Variants in NECAP1 observed in about 807,000 individuals in gnomAD.
NECAP1 encodes adaptin ear-binding coat-associated protein 1.
A neutral mutation model predicts 33.4 loss-of-function variants in NECAP1; 13 were observed. The observed-to-expected ratio is 0.39, with a 90% CI of 0.25 to 0.62. The LOEUF is 0.62. NECAP1 is among the 20% of genes least tolerant of loss of function. The probability of loss-of-function intolerance (pLI) is 0.52; values close to 1 mark genes in which losing one functional copy is unlikely to be tolerated. For missense variants in NECAP1, 272 were observed against 347.4 expected (o/e 0.78, Z 1.73); for synonymous variants, 109 against 125.2 (o/e 0.87, Z 0.86).
intron 1 of NECAP1, among the ~76,000 whole-genome samples, chr12:8,088,561 C>G (rs1233232541): frequency 6.6e-6 from 1 of 152,212 alleles, no homozygotes; most frequent in Non-Finnish European, 1.5e-5. Flanking sequence ...AGTCTCTTAG[C>G]TAATCCCCCT....
At chr12:8,091,955 A>G (rs1242828163) in intron 4 of NECAP1, 105 bp downstream of exon 4, 2 of 982,198 alleles carry the variant, frequency 2.0e-6, no homozygotes, top group Admixed American at 4.4e-5. Flanking sequence ...TTGTTTCTTA[A>G]ACTATTTCAT....
intron 3 of NECAP1, chr12:8,091,301 T>A (rs1225018936): frequency 6.3e-6 from 1 of 158,762 alleles, no homozygotes; most frequent in Admixed American, 6.1e-5. Context: ...GGGGATGGTT[T>A]CAGGATGATT....
chr12:8,084,416 G>A (rs1947469349), intron 1 of NECAP1, among the ~76,000 whole-genome samples: 1 of 152,116 alleles, frequency 6.6e-6, no homozygotes, highest in Admixed American at 6.6e-5. Context: ...TGCACCCTGT[G>A]TGCTTCCATA....
intron 5 of NECAP1, 42 bp downstream of exon 5, chr12:8,092,826 T>A: frequency 3.8e-6 from 6 of 1,597,508 alleles, no homozygotes; most frequent in Non-Finnish European, 5.1e-6. Flanking sequence ...TGTGCTTCCA[T>A]AAGCCTATGA....
intron 2 of NECAP1, 77 bp from the exon 3 acceptor site, chr12:8,090,118 A>G: frequency 6.3e-7 from 1 of 1,580,918 alleles, no homozygotes; most frequent in African/African-American, 1.3e-5. Context: ...GGGGACTGGA[A>G]TGGAAATACT....
At chr12:8,092,048 A>G (rs1002115263) in intron 4 of NECAP1, 198 bp downstream of exon 4, 13 of 571,500 alleles carry the variant, frequency 2.3e-5, no homozygotes, top group Non-Finnish European at 3.7e-5. Flanking sequence ...ATAGCCTGCA[A>G]TATATTTCAG....
At chr12:8,085,958 A>G (rs1379876434) in intron 1 of NECAP1, among the ~76,000 whole-genome samples, 18 of 151,302 alleles carry the variant, frequency 1.2e-4, no homozygotes, top group African/African-American at 3.2e-4. Flanking sequence ...ACCCACCTCA[A>G]CCTCCCAAAG....
At chr12:8,089,051 C>T (rs1020796668) in intron 1 of NECAP1, 4 of 152,196 alleles carry the variant, frequency 2.6e-5, no homozygotes, top group Non-Finnish European at 5.9e-5. Flanking sequence ...GAACTCACCA[C>T]TTTCTAAGAT....
At chr12:8,086,256 G>A (rs1272813328) in intron 1 of NECAP1, among the ~76,000 whole-genome samples, 1 of 152,172 alleles carries the variant, frequency 6.6e-6, no homozygotes, top group Non-Finnish European at 1.5e-5. Context: ...AGTGTAAGCT[G>A]TTCGTTCCCA....
In NECAP1 at chr12:8,082,310, G is replaced by A; in HGVS notation, c.22G>A (p.Glu8Lys). Residue 8 changes from glutamate to lysine, a missense_variant, in exon 1 of 8, where the codon GAG (glutamate) becomes AAG (lysine). Physicochemically the swap from Glu to Lys is moderately conservative, Grantham distance 56. Coordinates refer to ENST00000339754, the MANE Select transcript of NECAP1 (RefSeq NM_015509.4). MATELEY[E>K]SVLCVKPDVS... ...CAAGATGGCGACCGAGTTGGAGTAC[G>A]AGTCTGTGCTGTGTGTGAAGCCAGA... 3.1e-6 allele frequency: 5 copies of A among 1,604,214 alleles called. No individual in the cohort carries two copies. Among genetic ancestry groups the A allele is most frequent in the Non-Finnish European group, 3.4e-6 (4 of 1,171,756 alleles).
At chr12:8,083,200 G>A (rs900043553) in intron 1 of NECAP1, among the ~76,000 whole-genome samples, 4 of 152,014 alleles carry the variant, frequency 2.6e-5, no homozygotes, top group Non-Finnish European at 4.4e-5. Flanking sequence ...GTAGTTGAAA[G>A]ACAGTTCACT....
rs926957026 is a variant in NECAP1 at position 8,087,500 on chromosome 12, A to G, written c.96-2436A>G. Among the ~76,000 whole-genome samples, 3 of 150,560 alleles carry G rather than the reference A, an allele frequency of 2.0e-5. No individual in the cohort carries two copies. The South Asian group carries it at 6.3e-4, about 32-fold the overall frequency. ...AATAAGGAACTCATCCAAGAAAAAC[A>G]CATTTAATAGACTTGTTCCTAATTT... On this transcript the variant is annotated intron_variant, in intron 1 of 7. Transcript: ENST00000339754.
intron 1 of NECAP1, 64 bp downstream of exon 1, chr12:8,082,447 C>G: frequency 6.9e-7 from 1 of 1,442,422 alleles, no homozygotes. Context: ...TCCTTCTCAG[C>G]TAGCACGCTG....
rs1947481617 is a variant in NECAP1, at chr12:8,085,686, C to CTTCTTTTTTTTTTTTTTT, written c.95+3305_95+3306insCTTTTTTTTTTTTTTTTT. On this transcript the variant is annotated intron_variant, in intron 1 of 7. Coordinates refer to ENST00000339754, the MANE Select transcript of NECAP1 (RefSeq NM_015509.4). ...TTGTAGGATCCTCTCACTTAATCTT[C>CTTCTTTTTTTTTTTTTTT]TTTTTTTTTTTTTTTTTTTTTTTTT... Among the ~76,000 whole-genome samples the CTTCTTTTTTTTTTTTTTT allele has an allele frequency of 9.5e-5, 10 of 104,810 alleles. 2 individuals carry two copies. Among genetic ancestry groups the CTTCTTTTTTTTTTTTTTT allele is most frequent in the African/African-American group, 1.3e-4 (3 of 23,786 alleles). 68.8% of individuals were successfully genotyped at this position (104,810 alleles called of 152,430 possible).
At position 8,095,658 on chromosome 12, in the gene NECAP1, T is replaced by C. The variant is rs2120495324; in HGVS notation, c.734T>C (p.Val245Ala). The C allele has an allele frequency of 3.1e-6, 5 of 1,614,070 alleles. No individual in the cohort carries two copies. Among genetic ancestry groups the C allele is most frequent in the Non-Finnish European group, 2.5e-6 (3 of 1,179,938 alleles). Residue 245 changes from valine (V) to alanine (A), a missense_variant, in exon 7 of 8, where the codon GTT becomes GCT. Physicochemically the swap from Val to Ala is moderately conservative, Grantham distance 64. Coordinates refer to ENST00000339754, the MANE Select transcript of NECAP1 (RefSeq NM_015509.4). ...APVTTPAPTP[V>A]SVSNDLWGDF... ...GTCACGACACCAGCACCAACTCCAG[T>C]TTCTGTAAGCAATGACTTGTGGGGA...
At position 8,091,811 on chromosome 12, in the gene NECAP1, A is replaced by G; in HGVS notation, c.344A>G (p.Asp115Gly). 1 of 1,613,948 alleles carries G rather than the reference A, an allele frequency of 6.2e-7. No individual in the cohort carries two copies. The highest frequency in any genetic ancestry group is 8.5e-7 in the Non-Finnish European group (1 of 1,179,968). Residue 115 changes from aspartate (D) to glycine (G), a missense_variant, in exon 4 of 8, where the codon GAT becomes GGT. Transcript: ENST00000339754. The part of the protein sequence containing the change: ...FIGIGFTDRG[D>G]AFDFNVSLQD... ...GGCATTGGCTTCACAGATCGGGGAG[A>G]TGCCTTCGACTTTAATGTCTCCTTG... is the stretch of plus-strand genomic sequence containing the variant.
chr12:8,082,442 C>A, intron 1 of NECAP1, 59 bp downstream of exon 1: 1 of 1,468,910 alleles, frequency 6.8e-7, no homozygotes, highest in Non-Finnish European at 9.4e-7. Context: ...CAGCTTCCTT[C>A]TCAGCTAGCA....
intron 1 of NECAP1, among the ~76,000 whole-genome samples, chr12:8,085,870 A>C (rs1232860172): frequency 6.6e-6 from 1 of 151,496 alleles, no homozygotes; most frequent in Non-Finnish European, 1.5e-5. Flanking sequence ...TGCTTGGCTA[A>C]TTTTTTGTAT....
At chr12:8,085,760 A>T (rs761719121) in intron 1 of NECAP1, among the ~76,000 whole-genome samples, 3 of 130,210 alleles carry the variant, frequency 2.3e-5, no homozygotes, top group African/African-American at 8.9e-5. Context: ...CTGGCGTACA[A>T]TGGTGTGATC....
Sources: allele counts gnomAD v4.1 joint callset (sites outside exome capture counted in the v4.1 genomes callset), GRCh38; gene constraint gnomAD v4.1.1; transcripts MANE v1.5; gene names NCBI Gene and HGNC (gene_info 2026-07-23, HGNC 2026-07-21).